Variants in SLC35F5 observed in about 807,000 individuals in gnomAD.
SLC35F5 encodes the protein HCV NS5A-transactivated protein 3.
Under a neutral mutation model 68.6 loss-of-function variants are expected in SLC35F5, and 54 were observed. That is an observed-to-expected ratio of 0.79 (90% confidence interval 0.63 to 0.99). The LOEUF is 0.99. Ranked by LOEUF, SLC35F5 falls within the 50% of genes least tolerant of loss-of-function variation. The pLI is 0.00. For missense variants in SLC35F5, 567 were observed against 626.9 expected (o/e 0.90, Z 1.02); for synonymous variants, 211 against 205.2 (o/e 1.03, Z -0.24).
In SLC35F5 at chr2:113,710,664, T is replaced by G. The variant is rs1299595341; in HGVS notation, c.*4554A>C. 6.6e-6 allele frequency among the ~76,000 whole-genome samples: 1 copy of G among 151,932 alleles called. No homozygotes were observed. The highest frequency in any genetic ancestry group is 1.5e-5 in the Non-Finnish European group (1 of 68,010). The stretch of plus-strand genomic sequence containing the variant: ...GGGGGCACATGCCAGTAGTCCCAAC[T>G]ACTCAGGAGACTGAGGTGGGAGGAT... On this transcript the variant is annotated 3_prime_UTR_variant, in exon 16 of 16. Transcript: ENST00000245680.
chr2:113,721,690 T>C (rs567706172), intron 13 of SLC35F5, among the ~76,000 whole-genome samples: 6 of 152,156 alleles, frequency 3.9e-5, no homozygotes, highest in Non-Finnish European at 7.4e-5. Flanking sequence ...GTTTGGTTCA[T>C]ATTCAGGATT....
chr2:113,744,161 T>A (rs536007264), intron 5 of SLC35F5, among the ~76,000 whole-genome samples: 1 of 152,206 alleles, frequency 6.6e-6, no homozygotes, highest in Admixed American at 6.5e-5. Flanking sequence ...TCTGAGCTCC[T>A]ACTATGTCAG....
intron 12 of SLC35F5, 124 bp downstream of exon 12, chr2:113,725,253 TC>T (rs1687613746): frequency 1.2e-6 from 1 of 804,430 alleles, no homozygotes; most frequent in Non-Finnish European, 2.0e-6. Context: ...GTTAAAGTAT[TC>T]AGTTGTATGT....
rs542200024 is a variant in SLC35F5, at chr2:113,727,884, A to T, written c.1090+1517T>A. ...GCAAGTTGTCAATGTATAAATTTTT[A>T]AAAAGTACCACTGACCCAACCACCT... On this transcript the variant is annotated intron_variant, in intron 11 of 15. Transcript: ENST00000245680. Among the ~76,000 whole-genome samples the T allele has an allele frequency of 4.6e-5, 7 of 152,322 alleles. No homozygotes were observed. The East Asian group carries it at 1.3e-3, about 29-fold the overall frequency.
At position 113,742,839 on chromosome 2, in the gene SLC35F5, C is replaced by G. The variant is rs1240306841; in HGVS notation, c.603G>C (p.Glu201Asp). 6.2e-7 allele frequency: 1 copy of G among 1,614,124 alleles called. No individual in the cohort carries two copies. Reference sequence around the variant, plus strand: ...CATGACTTGACGGAAGCTGTCGAATCTCCATGATATTACTGAACCTCACAC... The same window carrying G: ...CATGACTTGACGGAAGCTGTCGAATGTCCATGATATTACTGAACCTCACAC... ...KSRVRFSNIMEIRQLPSSHAL... is the reference protein window; with the variant it reads ...KSRVRFSNIMDIRQLPSSHAL... The change falls in exon 7 of 16, where the codon GAG (glutamate) becomes GAC (aspartate). Residue 201 changes from glutamate to aspartate, a missense_variant. By Grantham distance (45) the Glu-to-Asp change is conservative (BLOSUM62 2). Coordinates refer to ENST00000245680, the MANE Select transcript of SLC35F5 (RefSeq NM_025181.5).
intron 5 of SLC35F5, among the ~76,000 whole-genome samples, chr2:113,745,137 A>T (rs11679736): frequency 0.23 from 35,332 of 152,122 alleles, 4,466 homozygotes; most frequent in Middle Eastern, 0.49. Context: ...AATTTGACAT[A>T]TCCATCTTAC....
At chr2:113,718,931 G>GAA (rs879873502) in intron 14 of SLC35F5, among the ~76,000 whole-genome samples, 4 of 110,966 alleles carry the variant, frequency 3.6e-5, no homozygotes, top group African/African-American at 1.2e-4. Context: ...GAAAGAAAAA[G>GAA]AAAGGAAGAA....
intron 11 of SLC35F5, among the ~76,000 whole-genome samples, 177 bp downstream of exon 11, chr2:113,729,224 C>T (rs1687787990): frequency 6.6e-6 from 1 of 151,958 alleles, no homozygotes; most frequent in African/African-American, 2.4e-5. Flanking sequence ...CATAGGTGCA[C>T]AACTATGCAG....
chr2:113,715,782 T>G (rs1187565971), intron 15 of SLC35F5, among the ~76,000 whole-genome samples: 2 of 152,244 alleles, frequency 1.3e-5, no homozygotes, highest in East Asian at 3.9e-4. Context: ...AAAGTTTTGC[T>G]GTAATTTTGC....
chr2:113,755,748 G>T, intron 1 of SLC35F5: 1 of 1,127,084 alleles, frequency 8.9e-7, no homozygotes, highest in Non-Finnish European at 1.3e-6. Context: ...TACGCGATAC[G>T]GGGCGGGCAG....
At chr2:113,724,773 C>T (rs1171836424) in intron 12 of SLC35F5, among the ~76,000 whole-genome samples, 1 of 152,130 alleles carries the variant, frequency 6.6e-6, no homozygotes, top group East Asian at 1.9e-4. Flanking sequence ...AAAGGTCTCT[C>T]AAACTCCATA....
At chr2:113,731,815 T>C (rs3762492) in intron 9 of SLC35F5, among the ~76,000 whole-genome samples, 167 bp from the exon 10 acceptor site, 15,703 of 152,234 alleles carry the variant, frequency 0.1, 918 homozygotes, top group Non-Finnish European at 0.13. Flanking sequence ...TATAATAATA[T>C]AGTGTTATAT....
intron 4 of SLC35F5, among the ~76,000 whole-genome samples, 192 bp from the exon 5 acceptor site, chr2:113,746,531 T>A (rs1325509349): frequency 6.6e-6 from 1 of 152,194 alleles, no homozygotes; most frequent in African/African-American, 2.4e-5. Context: ...ATTTTATTGA[T>A]GAAAAATTTG....
intron 9 of SLC35F5, chr2:113,733,331 GAGA>G (rs566309611): frequency 1.8e-3 from 556 of 303,716 alleles, no homozygotes; most frequent in African/African-American, 9.1e-3. Flanking sequence ...CTACTTTAAT[GAGA>G]AGAAGTAATG....
downstream of SLC35F5, among the ~76,000 whole-genome samples, chr2:113,703,232 T>G (rs1004033699): frequency 6.6e-6 from 1 of 151,976 alleles, no homozygotes; most frequent in Non-Finnish European, 1.5e-5. Flanking sequence ...CTGGATATAC[T>G]CAACAGATCT....
At chr2:113,755,001 A>C (rs544115398) in intron 3 of SLC35F5, among the ~76,000 whole-genome samples, 164 bp downstream of exon 3, 1 of 152,338 alleles carries the variant, frequency 6.6e-6, no homozygotes, top group Non-Finnish European at 1.5e-5. Flanking sequence ...TCATCCTTTC[A>C]GTTTTAACTT....
intron 15 of SLC35F5, 36 bp downstream of exon 15, chr2:113,717,717 A>G: frequency 7.6e-7 from 1 of 1,319,472 alleles, no homozygotes; most frequent in Non-Finnish European, 1.1e-6. Flanking sequence ...ACAGATAAGA[A>G]CCTTATTCAA....
intron 3 of SLC35F5, among the ~76,000 whole-genome samples, chr2:113,754,766 A>G (rs1224774554): frequency 6.6e-6 from 1 of 152,194 alleles, no homozygotes; most frequent in East Asian, 1.9e-4. Context: ...ATGAAAACTC[A>G]TTATTTTTAC....
chr2:113,726,062 C>A (rs2104996710), intron 11 of SLC35F5, among the ~76,000 whole-genome samples: 1 of 152,308 alleles, frequency 6.6e-6, no homozygotes, highest in African/African-American at 2.4e-5. Flanking sequence ...AGTATGTACA[C>A]ACAAAGAGCT....
Sources: allele counts gnomAD v4.1 joint callset (sites outside exome capture counted in the v4.1 genomes callset), GRCh38; gene constraint gnomAD v4.1.1; transcripts MANE v1.5; gene names NCBI Gene and HGNC (gene_info 2026-07-23, HGNC 2026-07-21).